NCKAP5: variants seen among roughly 807,000 people sequenced by gnomAD.
NCKAP5 encodes the protein nck-associated protein 5.
In NCKAP5, 92 loss-of-function variants were observed where a neutral mutation model predicts 167.0. The observed-to-expected ratio is 0.55, with a 90% confidence interval of 0.47 to 0.66. The LOEUF (loss-of-function observed/expected upper bound fraction) is 0.66. Ranked by LOEUF, NCKAP5 falls within the 30% of genes least tolerant of loss-of-function variation. The pLI is 0.00. For missense variants in NCKAP5, 2,378 were observed against 2,315.0 expected (o/e 1.03, Z -0.56); for synonymous variants, 891 against 877.4 (o/e 1.02, Z -0.27).
chr2:133,623,560 C>T, the NCKAP5 span, among the ~76,000 whole-genome samples: 4 of 151,754 alleles, frequency 2.6e-5, no homozygotes, highest in African/African-American at 7.3e-5. Context: ...TGTTCAACAC[C>T]ACTAATTATT....
intron 3 of NCKAP5, among the ~76,000 whole-genome samples, chr2:133,427,728 T>C (rs541160390): frequency 6.6e-6 from 1 of 152,266 alleles, no homozygotes; most frequent in East Asian, 1.9e-4. Context: ...CAGTTTATTT[T>C]AGTGATATAA....
At chr2:132,821,024 A>G (rs1392377332) in intron 11 of NCKAP5, among the ~76,000 whole-genome samples, 1 of 152,212 alleles carries the variant, frequency 6.6e-6, no homozygotes, top group Non-Finnish European at 1.5e-5. Flanking sequence ...GAGATGGTGG[A>G]GAGGAGACAG....
chr2:133,132,961 C>G (rs189810847), intron 5 of NCKAP5, among the ~76,000 whole-genome samples: 1 of 152,278 alleles, frequency 6.6e-6, no homozygotes, highest in Admixed American at 6.5e-5. Context: ...TAGGCGTTAG[C>G]CACCACGCCC....
At chr2:133,630,373 G>A in the NCKAP5 span, among the ~76,000 whole-genome samples, 2 of 152,142 alleles carry the variant, frequency 1.3e-5, no homozygotes, top group African/African-American at 4.8e-5. Context: ...TGAATAAAAT[G>A]TTCTAAGATA....
chr2:132,769,057 G>A (rs1051482276), intron 16 of NCKAP5, among the ~76,000 whole-genome samples: 22 of 150,290 alleles, frequency 1.5e-4, no homozygotes, highest in African/African-American at 5.4e-4. Flanking sequence ...CAATTCTACT[G>A]CTTCAGCATC....
intron 8 of NCKAP5, among the ~76,000 whole-genome samples, chr2:132,922,632 T>C (rs903467213): frequency 6.6e-5 from 10 of 152,322 alleles, no homozygotes; most frequent in Middle Eastern, 6.8e-3. Flanking sequence ...TGCTGTTTCA[T>C]GCCTTTGTGC....
chr2:133,047,574 T>C (rs1222390921), intron 6 of NCKAP5, among the ~76,000 whole-genome samples: 1 of 152,202 alleles, frequency 6.6e-6, no homozygotes, highest in Non-Finnish European at 1.5e-5. Context: ...ACTTTAAACC[T>C]GAAAAGCCTC....
At chr2:133,580,587 G>C in the NCKAP5 span, among the ~76,000 whole-genome samples, 14 of 152,254 alleles carry the variant, frequency 9.2e-5, no homozygotes, top group South Asian at 2.5e-3. Flanking sequence ...TCTAACTCAG[G>C]CTGCCTCTCA....
At chr2:132,928,501 T>C (rs1230422886) in intron 8 of NCKAP5, among the ~76,000 whole-genome samples, 1 of 152,146 alleles carries the variant, frequency 6.6e-6, no homozygotes, top group Non-Finnish European at 1.5e-5. Flanking sequence ...ATGACACATA[T>C]ACCTATCTTG....
chr2:133,387,378 C>T (rs1415851031), intron 3 of NCKAP5, among the ~76,000 whole-genome samples: 2 of 152,236 alleles, frequency 1.3e-5, no homozygotes, highest in Admixed American at 6.5e-5. Context: ...TTGGCCCCCA[C>T]TCTCTTCTGG....
At chr2:133,386,275 A>AT (rs1285329795) in intron 3 of NCKAP5, among the ~76,000 whole-genome samples, 2 of 152,162 alleles carry the variant, frequency 1.3e-5, no homozygotes, top group African/African-American at 4.8e-5. Context: ...TTCAAAGAAC[A>AT]TTTTTATTTC....
chr2:132,753,221 C>T (rs980402142), intron 16 of NCKAP5, among the ~76,000 whole-genome samples: 1 of 152,188 alleles, frequency 6.6e-6, no homozygotes. Flanking sequence ...GAAGGGAGAA[C>T]ATTTTCTAAT....
At chr2:133,345,432 G>A (rs1683905242) in intron 3 of NCKAP5, among the ~76,000 whole-genome samples, 3 of 152,152 alleles carry the variant, frequency 2.0e-5, no homozygotes, top group South Asian at 2.1e-4. Flanking sequence ...TTTCCCACCT[G>A]TCAACTTGAC....
chr2:133,080,319 C>T (rs2080758431), intron 6 of NCKAP5, among the ~76,000 whole-genome samples: 1 of 152,170 alleles, frequency 6.6e-6, no homozygotes, highest in African/African-American at 2.4e-5. Flanking sequence ...AATGATATTT[C>T]TTCCTTGAAC....
chr2:132,709,283 G>A (rs1688642167), intron 19 of NCKAP5, among the ~76,000 whole-genome samples: 1 of 152,048 alleles, frequency 6.6e-6, no homozygotes, highest in Admixed American at 6.6e-5. Flanking sequence ...CAAGCTTAGT[G>A]TCTTTCTGAA....
chr2:133,437,697 C>G (rs1055006288), intron 3 of NCKAP5, among the ~76,000 whole-genome samples: 1 of 152,142 alleles, frequency 6.6e-6, no homozygotes, highest in Non-Finnish European at 1.5e-5. Flanking sequence ...GATTTAGAAT[C>G]TGATGTCAGA....
At chr2:133,565,567 C>T (rs1408891435) in intron 1 of NCKAP5, among the ~76,000 whole-genome samples, 3 of 152,308 alleles carry the variant, frequency 2.0e-5, no homozygotes, top group Non-Finnish European at 4.4e-5. Context: ...TCCAAGTTTT[C>T]AGTCACTGTG....
At chr2:133,286,585 G>A (rs1243234949) in intron 4 of NCKAP5, among the ~76,000 whole-genome samples, 1 of 152,168 alleles carries the variant, frequency 6.6e-6, no homozygotes, top group Non-Finnish European at 1.5e-5. Flanking sequence ...AAATCATAAA[G>A]TTAGTTAGAA....
intron 6 of NCKAP5, among the ~76,000 whole-genome samples, chr2:133,085,239 A>G (rs369680866): frequency 2.0e-5 from 3 of 152,150 alleles, no homozygotes; most frequent in African/African-American, 7.2e-5. Context: ...AAGTCCCCAA[A>G]GTGTGTGAGG....
Sources: gnomAD v4.1 joint callset for allele counts (sites outside exome capture counted in the v4.1 genomes callset) on GRCh38, gnomAD v4.1.1 for gene constraint, MANE v1.5 for transcripts, NCBI Gene and HGNC (gene_info 2026-07-23, HGNC 2026-07-21) for gene names.